DPP10: variants seen among roughly 807,000 people sequenced by gnomAD.
DPP10 encodes the protein dipeptidyl peptidase like 10.
DPP10 carries 33 observed loss-of-function variants against 120.9 expected under a neutral mutation model. The observed-to-expected ratio is 0.27, with a 90% CI of 0.21 to 0.37. The LOEUF (loss-of-function observed/expected upper bound fraction) is 0.37. Among genes scored for constraint, DPP10 ranks in the 10% least tolerant of loss-of-function variants. The pLI is 1.00. For synonymous variants in DPP10, 337 were observed against 326.1 expected (o/e 1.03, Z -0.36); for missense variants, 816 against 942.8 (o/e 0.87, Z 1.76).
intron 3 of DPP10, among the ~76,000 whole-genome samples, chr2:115,429,945 A>C (rs1478936275): frequency 6.6e-6 from 1 of 152,170 alleles, no homozygotes; most frequent in Non-Finnish European, 1.5e-5. Flanking sequence ...GAGGAGTGTG[A>C]CTGGAAGTGG....
chr2:115,434,991 C>T (rs1345792247), intron 3 of DPP10, among the ~76,000 whole-genome samples: 1 of 151,258 alleles, frequency 6.6e-6, no homozygotes, highest in East Asian at 1.9e-4. Context: ...ATCCATGTTT[C>T]TGCAAATGAC....
At chr2:115,604,767 T>C (rs147954022) in intron 5 of DPP10, among the ~76,000 whole-genome samples, 1 of 152,298 alleles carries the variant, frequency 6.6e-6, no homozygotes, top group African/African-American at 2.4e-5. Flanking sequence ...ATGAGGTCAT[T>C]TGCTTTTTGA....
chr2:114,797,785 T>TG (rs1683844557), intron 1 of DPP10, among the ~76,000 whole-genome samples: 1 of 152,200 alleles, frequency 6.6e-6, no homozygotes, highest in South Asian at 2.1e-4. Flanking sequence ...ACCCAGGAGA[T>TG]GCGATATAAT....
At chr2:115,731,538 T>A (rs879885914) in intron 8 of DPP10, among the ~76,000 whole-genome samples, 8 of 151,742 alleles carry the variant, frequency 5.3e-5, no homozygotes, top group Non-Finnish European at 1.2e-4. Flanking sequence ...AAAGAAAAAA[T>A]TTAAAAAAGA....
intron 3 of DPP10, among the ~76,000 whole-genome samples, chr2:115,377,421 T>A (rs906041076): frequency 3.3e-5 from 5 of 152,218 alleles, no homozygotes; most frequent in African/African-American, 1.2e-4. Flanking sequence ...CTTGTAAATT[T>A]GTTTAAGTTC....
At chr2:115,590,265 C>A (rs1321577090) in intron 5 of DPP10, among the ~76,000 whole-genome samples, 1 of 151,568 alleles carries the variant, frequency 6.6e-6, no homozygotes, top group Non-Finnish European at 1.5e-5. Flanking sequence ...TGTGCCGCAC[C>A]TGTTACCTCG....
At chr2:115,617,603 A>G (rs1575348932) in intron 5 of DPP10, among the ~76,000 whole-genome samples, 1 of 151,934 alleles carries the variant, frequency 6.6e-6, no homozygotes, top group Non-Finnish European at 1.5e-5. Context: ...TTTTGTTACA[A>G]TTGATTACAG....
chr2:114,601,146 A>G (rs1007489739), intron 1 of DPP10, among the ~76,000 whole-genome samples: 1 of 151,880 alleles, frequency 6.6e-6, no homozygotes, highest in African/African-American at 2.4e-5. Context: ...TTCAGTATTT[A>G]CTAGATAGCT....
chr2:115,229,413 C>T (rs552012972), intron 1 of DPP10, among the ~76,000 whole-genome samples: 81 of 152,148 alleles, frequency 5.3e-4, no homozygotes, highest in Non-Finnish European at 1.0e-3. Context: ...GCTTTCGTTG[C>T]GCATGCTTGT....
chr2:115,732,396 T>C (rs1220865764), intron 8 of DPP10, among the ~76,000 whole-genome samples: 1 of 152,206 alleles, frequency 6.6e-6, no homozygotes, highest in Non-Finnish European at 1.5e-5. Flanking sequence ...TAAGAATCTT[T>C]GTCTCTATTT....
chr2:114,985,196 C>T (rs1408273904), intron 1 of DPP10, among the ~76,000 whole-genome samples: 4 of 152,142 alleles, frequency 2.6e-5, no homozygotes, highest in African/African-American at 9.7e-5. Context: ...CTGCAAATAG[C>T]CACACTGTCT....
chr2:115,704,043 T>C (rs1197434062), intron 7 of DPP10, among the ~76,000 whole-genome samples: 1 of 151,950 alleles, frequency 6.6e-6, no homozygotes, highest in Non-Finnish European at 1.5e-5. Flanking sequence ...TCCCACAAGG[T>C]TATAAAATGT....
chr2:115,072,714 A>G (rs1707466648), intron 1 of DPP10, among the ~76,000 whole-genome samples: 2 of 152,224 alleles, frequency 1.3e-5, no homozygotes, highest in Non-Finnish European at 2.9e-5. Flanking sequence ...TTTTCTATTT[A>G]TCCTGTTAAG....
intron 1 of DPP10, among the ~76,000 whole-genome samples, chr2:114,681,701 G>C (rs1699038623): frequency 6.6e-6 from 1 of 152,012 alleles, no homozygotes; most frequent in Admixed American, 6.6e-5. Context: ...AAAGCCGGTA[G>C]TAGGTCAGGG....
At chr2:115,804,452 A>G (rs1465866444) in intron 19 of DPP10, among the ~76,000 whole-genome samples, 1 of 152,184 alleles carries the variant, frequency 6.6e-6, no homozygotes, top group Non-Finnish European at 1.5e-5. Context: ...TTCTCCATGC[A>G]GCTTCGTTCC....
chr2:115,444,250 A>G (rs1355824773), intron 3 of DPP10, among the ~76,000 whole-genome samples: 2 of 152,170 alleles, frequency 1.3e-5, no homozygotes, highest in Non-Finnish European at 2.9e-5. Context: ...TCACTTCAAT[A>G]AATACTCTTA....
rs190296538 is a variant in DPP10 at position 115,782,478 on chromosome 2, A to G, written c.1531+79A>G. ...CATCGTGTTATCTATTCTGAGTCAT[A>G]TCCTCTATAAATTCTTCTTCAAAAA... On this transcript the variant is annotated intron_variant, in intron 17 of 25. Transcript: ENST00000410059. 1.3e-5 allele frequency: 18 copies of G among 1,336,616 alleles called. No individual in the cohort carries two copies. The African/African-American group carries it at 2.6e-4, about 19-fold the overall frequency. 82.8% of individuals were successfully genotyped at this position (1,336,616 alleles called of 1,614,324 possible).
intron 1 of DPP10, among the ~76,000 whole-genome samples, chr2:115,205,844 A>G (rs746195866): frequency 2.8e-4 from 42 of 152,176 alleles, no homozygotes; most frequent in Admixed American, 5.9e-4. Flanking sequence ...ACAGACATAA[A>G]GATGGGAACA....
chr2:114,704,401 C>T (rs1161972156), intron 1 of DPP10, among the ~76,000 whole-genome samples: 4 of 152,082 alleles, frequency 2.6e-5, no homozygotes, highest in Admixed American at 1.3e-4. Context: ...GAGATAGGGA[C>T]GCTATGTGAT....
Sources: allele counts gnomAD v4.1 joint callset (sites outside exome capture counted in the v4.1 genomes callset), GRCh38; gene constraint gnomAD v4.1.1; transcripts MANE v1.5; gene names NCBI Gene and HGNC (gene_info 2026-07-23, HGNC 2026-07-21).